OPLAH: variants seen among roughly 807,000 people sequenced by gnomAD.
OPLAH encodes the protein 5-oxoprolinase, ATP-hydrolysing.
In OPLAH, 103 loss-of-function variants were observed where a neutral mutation model predicts 122.8. The observed-to-expected ratio is 0.84, with a 90% CI of 0.71 to 0.99. The LOEUF is 0.99. Ranked by LOEUF, OPLAH falls within the 50% of genes least tolerant of loss-of-function variation. OPLAH has a pLI of 0.00. For synonymous variants in OPLAH, 875 were observed against 796.0 expected, an observed-to-expected ratio of 1.10 and a Z score of -1.67; for missense variants, 1,902 against 1,836.5, an observed-to-expected ratio of 1.04 and a Z score of -0.65.
intron 23 of OPLAH, 36 bp downstream of exon 23, chr8:144,052,413 G>C (rs1159526163): frequency 4.5e-5 from 68 of 1,525,108 alleles, no homozygotes; most frequent in Non-Finnish European, 5.9e-5. Context: ...TGCCCACCCA[G>C]TCCGCCCCCG....
Position 144,058,272 on chromosome 8 carries a change from C to G in OPLAH, c.916G>C (p.Gly306Arg). Residue 306 changes from glycine (G) to arginine (R), a missense_variant, in exon 7 of 27, where the codon GGT becomes CGT. Transcript: ENST00000618853. ...GYSATTYQQE[G>R]GQPVIGFDMG... is the part of the protein sequence containing the mutation. ...TCAAAGCCGATGACAGGCTGGCCAC[C>G]CTCCTGCTGGTAGGTGGTGGCTGAG... 6.2e-7 allele frequency: 1 copy of G among 1,610,676 alleles called. No homozygotes were observed.
chr8:144,057,884 G>C lies in OPLAH; in HGVS notation c.1128C>G (p.Ala376=), dbSNP rs782052817. 6.8e-5 allele frequency: 109 copies of C among 1,612,122 alleles called. 1 individual carries two copies. In the East Asian group the frequency reaches 1.9e-3, roughly 28 times the overall value. The change falls in exon 9 of 27, where the codon GCC becomes GCG. Residue 376 remains alanine, a synonymous_variant. Transcript: ENST00000618853. ...LFVVGPESAG[A]HPGPACYRKG... is the part of the protein sequence containing the mutation. ...TGCGGTAGCAGGCGGGTCCTGGGTG[G>C]GCTCCTGCTGACTCGGGCCCAACCA... is the stretch of plus-strand genomic sequence containing the variant.
At chr8:144,056,881 G>A (rs772262329) in intron 12 of OPLAH, 67 bp downstream of exon 12, 1 of 1,520,864 alleles carries the variant, frequency 6.6e-7, no homozygotes, top group Non-Finnish European at 8.8e-7. Flanking sequence ...GTCATCAGGA[G>A]GAACACCCAC....
intron 25 of OPLAH, 31 bp downstream of exon 25, chr8:144,051,885 G>A (rs1835386463): frequency 2.4e-5 from 15 of 620,010 alleles, no homozygotes; most frequent in Non-Finnish European, 3.7e-5. Context: ...GCGGGGGCGG[G>A]GAGGGCCGCG....
intron 26 of OPLAH, 68 bp from the exon 27 acceptor site, chr8:144,051,540 A>G: frequency 7.8e-7 from 1 of 1,276,384 alleles, no homozygotes; most frequent in Non-Finnish European, 1.1e-6. Context: ...TCACCTGCGC[A>G]GTCCCCTCCC....
intron 20 of OPLAH, 35 bp downstream of exon 20, chr8:144,053,174 G>A (rs782318961): frequency 1.9e-6 from 3 of 1,609,556 alleles, no homozygotes; most frequent in Non-Finnish European, 2.5e-6. Context: ...CCTGCAGGAT[G>A]GCCCTGCCGC....
rs782379708 is a variant in OPLAH at position 144,056,505 on chromosome 8, G to A, written c.1863C>T (p.Gly621=). 8 of 1,611,738 alleles carry A rather than the reference G, an allele frequency of 5.0e-6. No individual in the cohort carries two copies. The highest frequency in any genetic ancestry group is 6.8e-6 in the Non-Finnish European group (8 of 1,179,368). ...AFVERYMREF[G]FVIPERPVVV... ...CCACCGGCCGCTCAGGTATGACAAAGCCAAACTCCCTCATGTACCTGCACT... is the reference window on the plus strand; with the variant it reads ...CCACCGGCCGCTCAGGTATGACAAAACCAAACTCCCTCATGTACCTGCACT... The change falls in exon 14 of 27, where the codon GGC becomes GGT. Residue 621 remains glycine (G), a synonymous_variant. Coordinates refer to ENST00000618853, the MANE Select transcript of OPLAH (RefSeq NM_017570.5).
At chr8:144,053,158 A>C (rs782033351) in intron 20 of OPLAH, 29 bp from the exon 21 acceptor site, 1 of 1,608,050 alleles carries the variant, frequency 6.2e-7, no homozygotes, top group Non-Finnish European at 8.5e-7. Context: ...AGTGGTGGCC[A>C]GGTCACCTGC....
rs545856016 is a variant in OPLAH at position 144,052,609 on chromosome 8, C to T, written c.3154-11G>A. The T allele has an allele frequency of 5.7e-6, 9 of 1,585,598 alleles. No individual in the cohort carries two copies. The highest frequency in any genetic ancestry group is 1.8e-4 in the Middle Eastern group (1 of 5,424). ...TGGCGCCAGGCAGCCCTGTGCGGGG[C>T]GGGCGGCTCTCAGGAGCTCTTGGGG... is the stretch of plus-strand genomic sequence containing the variant. On this transcript the variant is annotated splice_polypyrimidine_tract_variant and intron_variant, in intron 22 of 26. Coordinates refer to ENST00000618853, the MANE Select transcript of OPLAH (RefSeq NM_017570.5).
At chr8:144,060,178 C>G in intron 1 of OPLAH, 93 bp from the exon 2 acceptor site, 1 of 899,950 alleles carries the variant, frequency 1.1e-6, no homozygotes, top group Non-Finnish European at 1.6e-6. Flanking sequence ...AGGGAGAGAC[C>G]CACGGGCACG....
Position 144,056,730 on chromosome 8 carries a change from G to A in OPLAH, c.1732C>T (p.Leu578=), listed in dbSNP as rs1481324843. Residue 578 remains leucine, a synonymous_variant, in exon 13 of 27, where the codon CTG becomes TTG. Transcript: ENST00000618853. Reference sequence around the variant, plus strand: ...TCCGTGCCCTGGTAGCGCAGGTGCAGGAAGCTCTCAGTGCTGATCTGGGAC... The same window carrying A: ...TCCGTGCCCTGGTAGCGCAGGTGCAAGAAGCTCTCAGTGCTGATCTGGGAC... ...PRSQISTESF[L]HLRYQGTDCA... 1.9e-6 allele frequency: 3 copies of A among 1,610,566 alleles called. No individual in the cohort carries two copies. Among genetic ancestry groups the A allele is most frequent in the Non-Finnish European group, 2.5e-6 (3 of 1,179,058 alleles).
At chr8:144,058,944 C>A (rs371338350) in intron 4 of OPLAH, 36 bp downstream of exon 4, 7 of 1,556,400 alleles carry the variant, frequency 4.5e-6, no homozygotes, top group Non-Finnish European at 5.2e-6. Context: ...CAGGACCCTC[C>A]GGCCCCAAAT....
At chr8:144,061,960 C>A (rs1010560161), upstream of OPLAH, among the ~76,000 whole-genome samples, 1 of 146,668 alleles carries the variant, frequency 6.8e-6, no homozygotes, top group Non-Finnish European at 1.5e-5. Flanking sequence ...GCGGAGCTTG[C>A]AGTGAGATGA....
intron 1 of OPLAH, 120 bp from the exon 2 acceptor site, chr8:144,060,205 G>C: frequency 1.3e-6 from 1 of 747,322 alleles, no homozygotes; most frequent in South Asian, 1.9e-5. Flanking sequence ...GGAAGAGCCA[G>C]AGCCGCAGGC....
At chr8:144,052,110 G>A in intron 24 of OPLAH, 34 bp from the exon 25 acceptor site, 1 of 1,556,720 alleles carries the variant, frequency 6.4e-7, no homozygotes, top group Non-Finnish European at 8.6e-7. Context: ...AAGACTCAGC[G>A]TGGCCCGAGC....
At position 144,055,483 on chromosome 8, in the gene OPLAH, T is replaced by G. The variant is rs1835489853; in HGVS notation, c.2249-294A>C. On this transcript the variant is annotated intron_variant, in intron 16 of 26. Transcript: ENST00000618853. This position sits in a 1 kb window ranked among gnomAD's most constrained non-coding sequence, Gnocchi z 6.5. Reference sequence around the variant, plus strand: ...ACCTGGTTCCTAGGCTCTTGACCTCTGGGCTCCCAGCAAGCCGCTGGCCTG... The same window carrying G: ...ACCTGGTTCCTAGGCTCTTGACCTCGGGGCTCCCAGCAAGCCGCTGGCCTG... 6.6e-6 allele frequency among the ~76,000 whole-genome samples: 1 copy of G among 151,972 alleles called. No homozygotes were observed. The highest frequency in any genetic ancestry group is 1.5e-5 in the Non-Finnish European group (1 of 67,952).
downstream of OPLAH, chr8:144,051,203 C>T (rs782707235): frequency 1.8e-4 from 266 of 1,495,110 alleles, no homozygotes; most frequent in Non-Finnish European, 2.1e-4. Context: ...CAGTGTCCTC[C>T]TAAGGCAAGC....
chr8:144,056,996 C>T lies in OPLAH; in HGVS notation c.1658G>A (p.Arg553His), dbSNP rs530154461. 6 of 1,589,776 alleles carry T rather than the reference C, an allele frequency of 3.8e-6. No individual in the cohort carries two copies. Among genetic ancestry groups the T allele is most frequent in the East Asian group, 2.3e-5 (1 of 43,710 alleles). ...TFVQLDQRLS[R>H]LEEQCVDALQ... ...AGCATCCACACACTGCTCCTCCAGG[C>T]GGCTCAGCCTCTGGTCCAGCTGCAC... The change falls in exon 12 of 27, where the codon CGC (arginine) becomes CAC (histidine). Residue 553 changes from arginine to histidine, a missense_variant. Physicochemically the swap from Arg to His is conservative, Grantham distance 29. Around this residue, in one of 3 missense-constraint regions of OPLAH, gnomAD observed 1,726 missense variants for 1,642.1 expected, o/e 1.05. Coordinates refer to ENST00000618853, the MANE Select transcript of OPLAH (RefSeq NM_017570.5).
chr8:144,052,229 C>A lies in OPLAH; in HGVS notation c.3401G>T (p.Ser1134Ile), dbSNP rs1019103286. 1 of 1,568,028 alleles carries A rather than the reference C, an allele frequency of 6.4e-7. No individual in the cohort carries two copies. The highest frequency in any genetic ancestry group is 8.6e-7 in the Non-Finnish European group (1 of 1,162,526). The part of the protein sequence containing the change: ...AGAGPSWHGR[S>I]GVHSHMTNTR... ...GTTGGTCATGTGGCTGTGCACACCG[C>A]TGCGCCCGTGCCAGCTGGGACCCGC... is the stretch of plus-strand genomic sequence containing the variant. Residue 1134 changes from serine (S) to isoleucine (I), a missense_variant, in exon 24 of 27, where the codon AGC becomes ATC. Transcript: ENST00000618853.
Sources: allele counts gnomAD v4.1 joint callset (sites outside exome capture counted in the v4.1 genomes callset), GRCh38; gene constraint gnomAD v4.1.1; regional missense constraint gnomAD v4.1.1; non-coding constraint Gnocchi (gnomAD v3.1); transcripts MANE v1.5; gene names NCBI Gene and HGNC (gene_info 2026-07-23, HGNC 2026-07-21).